Variants in MTAP observed in about 807,000 individuals in gnomAD.
MTAP encodes S-methyl-5'-thioadenosine phosphorylase.
Under a neutral mutation model 33.6 loss-of-function variants are expected in MTAP, and 33 were observed. That is an observed-to-expected ratio of 0.98 (90% CI 0.74 to 1.31). MTAP has a LOEUF of 1.31. Among genes scored for constraint, MTAP ranks in the 40% most tolerant of loss-of-function variants. MTAP has a pLI of 0.00. For missense variants in MTAP, 367 were observed against 360.0 expected (o/e 1.02, Z -0.16); for synonymous variants, 148 against 125.7 (o/e 1.18, Z -1.19).
intron 1 of MTAP, among the ~76,000 whole-genome samples, chr9:21,894,337 C>G (rs573136717): frequency 3.9e-4 from 59 of 151,980 alleles, no homozygotes; most frequent in African/African-American, 1.3e-3. Flanking sequence ...CCCGTGAGAA[C>G]TGAAACAAGA....
At chr9:21,938,225 G>C (rs543067900), downstream of MTAP, among the ~76,000 whole-genome samples, 1 of 149,178 alleles carries the variant, frequency 6.7e-6, no homozygotes, top group South Asian at 2.1e-4. Context: ...AGTGAGCCAA[G>C]ATCACACCAC....
chr9:21,901,321 A>G (rs1818389559), intron 1 of MTAP, among the ~76,000 whole-genome samples: 1 of 152,232 alleles, frequency 6.6e-6, no homozygotes, highest in Non-Finnish European at 1.5e-5. Flanking sequence ...TTCCAGTTTA[A>G]AAAATTGAAG....
intron 4 of MTAP, among the ~76,000 whole-genome samples, chr9:21,825,322 A>G (rs769121163): frequency 1.3e-5 from 2 of 152,186 alleles, no homozygotes; most frequent in Non-Finnish European, 2.9e-5. Context: ...ATTGTGAATA[A>G]TGCTGCAGGG....
rs1824083134 is a variant in MTAP, at chr9:21,802,793, C to T, written c.33+12C>T. On this transcript the variant is annotated intron_variant, in intron 1 of 7. Transcript: ENST00000644715. ...CCACCGCCGTGAAGGTGAGATGAGC[C>T]CTCCCAGCCGCAGCGGTTCGCCCTG... is the stretch of plus-strand genomic sequence containing the variant. The T allele has an allele frequency of 6.2e-7, 1 of 1,612,780 alleles. No individual in the cohort carries two copies. The highest frequency in any genetic ancestry group is 1.3e-5 in the African/African-American group (1 of 74,862).
At chr9:21,822,987 C>G (rs1419318015) in intron 4 of MTAP, among the ~76,000 whole-genome samples, 1 of 152,140 alleles carries the variant, frequency 6.6e-6, no homozygotes, top group Non-Finnish European at 1.5e-5. Context: ...CTTGGTAGAT[C>G]TTCCTCCATC....
chr9:21,898,929 C>A (rs919776553), intron 1 of MTAP, among the ~76,000 whole-genome samples: 1 of 152,056 alleles, frequency 6.6e-6, no homozygotes, highest in African/African-American at 2.4e-5. Flanking sequence ...AAGACACATG[C>A]ACATGTATGT....
chr9:21,923,789 A>G (rs1050173225), intron 1 of MTAP, among the ~76,000 whole-genome samples: 2 of 151,092 alleles, frequency 1.3e-5, no homozygotes, highest in Non-Finnish European at 1.5e-5. Flanking sequence ...ATCTACTTAA[A>G]GAACATGGGA....
chr9:21,834,341 C>T (rs1825049270), intron 4 of MTAP, among the ~76,000 whole-genome samples: 1 of 152,228 alleles, frequency 6.6e-6, no homozygotes, highest in Non-Finnish European at 1.5e-5. Context: ...TCCCTGAAAT[C>T]CGTGTTTTCC....
rs762318246 is a variant in MTAP at position 21,861,997 on chromosome 9, T to C, written c.835T>C (p.Leu279=). The C allele has an allele frequency of 6.2e-7, 1 of 1,609,008 alleles. No homozygotes were observed. The highest frequency in any genetic ancestry group is 1.1e-5 in the South Asian group (1 of 90,932). ...NLKNMAQFSV[L]LPRH is the part of the protein sequence containing the mutation. The stretch of plus-strand genomic sequence containing the variant: ...TCAGAATATGGCCCAGTTTTCTGTT[T>C]TATTACCAAGACATTAAAGTAGCAT... The change falls in exon 8 of 8, where the codon TTA becomes CTA. Residue 279 remains leucine (L), a synonymous_variant. Transcript: ENST00000644715.
rs184613800 is a variant in MTAP at position 21,861,769 on chromosome 9, A to G, written c.814-207A>G. The stretch of plus-strand genomic sequence containing the variant: ...GCATTATTAACCTCACTTTACAGGA[A>G]AGGGAGGTGAGGAACCAAGAGTTTA... On this transcript the variant is annotated intron_variant, in intron 7 of 7. Coordinates refer to ENST00000644715, the MANE Select transcript of MTAP (RefSeq NM_002451.4). 1.4e-4 allele frequency: 82 copies of G among 591,328 alleles called. No individual in the cohort carries two copies. The East Asian group carries it at 2.3e-3, about 16-fold the overall frequency. 36.6% of individuals were successfully genotyped at this position (591,328 alleles called of 1,614,324 possible). A position where few individuals can be genotyped will look rare whatever the true frequency, so the allele number is the denominator to read the frequency against.
rs1825361856 is a variant in MTAP at position 21,845,670 on chromosome 9, A to G, written c.450+7660A>G. ...ACCATCATTCTTCACAGAAATATAAAAGTATCATATTTCTGCCAAAAGCAA... is the reference window on the plus strand; with the variant it reads ...ACCATCATTCTTCACAGAAATATAAGAGTATCATATTTCTGCCAAAAGCAA... On this transcript the variant is annotated intron_variant, in intron 5 of 7. Coordinates refer to ENST00000644715, the MANE Select transcript of MTAP (RefSeq NM_002451.4). Among the ~76,000 whole-genome samples, 3 of 152,090 alleles carry G rather than the reference A, an allele frequency of 2.0e-5. No individual in the cohort carries two copies. The South Asian group carries it at 6.2e-4, about 32-fold the overall frequency.
chr9:21,882,105 T>TTA (rs1818021976), intron 1 of MTAP, among the ~76,000 whole-genome samples: 1 of 151,884 alleles, frequency 6.6e-6, no homozygotes, highest in Admixed American at 6.6e-5. Context: ...AAATAAAATA[T>TTA]TCAACCTTAA....
At chr9:21,918,456 C>G (rs1034517449) in intron 1 of MTAP, among the ~76,000 whole-genome samples, 4 of 148,416 alleles carry the variant, frequency 2.7e-5, no homozygotes, top group Non-Finnish European at 4.4e-5. Context: ...ACAGTATAAA[C>G]TGCTTGGGTG....
chr9:21,859,455 G>C (rs1024094980), intron 7 of MTAP, 30 bp downstream of exon 7: 8 of 1,585,202 alleles, frequency 5.0e-6, no homozygotes, highest in Non-Finnish European at 6.0e-6. Context: ...AATCAGGCAT[G>C]TCTGTAGACT....
intron 1 of MTAP, among the ~76,000 whole-genome samples, chr9:21,897,720 T>C (rs1188095907): frequency 6.6e-6 from 1 of 151,982 alleles, no homozygotes; most frequent in Non-Finnish European, 1.5e-5. Flanking sequence ...CACTGCTCAA[T>C]GAAATAAAAG....
chr9:21,840,944 A>G (rs1241375187), intron 5 of MTAP, among the ~76,000 whole-genome samples: 2 of 152,160 alleles, frequency 1.3e-5, no homozygotes, highest in Non-Finnish European at 2.9e-5. Flanking sequence ...ACTGCATAGT[A>G]GCTGGATGAG....
At chr9:21,804,506 A>G (rs1824154286) in intron 1 of MTAP, among the ~76,000 whole-genome samples, 2 of 152,212 alleles carry the variant, frequency 1.3e-5, no homozygotes. Context: ...GCTTCTGGAT[A>G]TAAAATTAAG....
At position 21,859,368 on chromosome 9, in the gene MTAP, C is replaced by G; in HGVS notation, c.756C>G (p.Leu252=). ...ENANKAKSLL[L]TTIPQIGSTE... ...CTAATAAAGCCAAAAGCTTACTGCT[C>G]ACTACCATACCTCAGATAGGGTCCA... The change falls in exon 7 of 8, where the codon CTC becomes CTG. Residue 252 remains leucine (L), a synonymous_variant. Coordinates refer to ENST00000644715, the MANE Select transcript of MTAP (RefSeq NM_002451.4). 6.2e-7 allele frequency: 1 copy of G among 1,613,690 alleles called. No individual in the cohort carries two copies. Among genetic ancestry groups the G allele is most frequent in the Non-Finnish European group, 8.5e-7 (1 of 1,179,790 alleles).
intron 1 of MTAP, among the ~76,000 whole-genome samples, chr9:21,810,490 G>C (rs1164566896): frequency 6.6e-6 from 1 of 152,160 alleles, no homozygotes; most frequent in South Asian, 2.1e-4. Flanking sequence ...AACCCAATGA[G>C]AGCAAGAACA....
Sources: gnomAD v4.1 joint callset for allele counts (sites outside exome capture counted in the v4.1 genomes callset) on GRCh38, gnomAD v4.1.1 for gene constraint, MANE v1.5 for transcripts, NCBI Gene and HGNC (gene_info 2026-07-23, HGNC 2026-07-21) for gene names.